Variants in PTTG1IP2 observed in about 807,000 individuals in gnomAD.
PTTG1IP2 encodes the protein PTTG1IP family member 2.
intron 6 of PTTG1IP2, among the ~76,000 whole-genome samples, chr7:90,497,180 C>G (rs375738912): frequency 1.3e-5 from 2 of 152,094 alleles, no homozygotes; most frequent in South Asian, 2.1e-4. Context: ...ATCTGTAATC[C>G]CAACACTTTG....
At chr7:90,503,642 G>A (rs892198890) in intron 6 of PTTG1IP2, among the ~76,000 whole-genome samples, 5 of 152,210 alleles carry the variant, frequency 3.3e-5, no homozygotes, top group Admixed American at 6.5e-5. Context: ...AGAAGAGAAA[G>A]ATTGGGGAAC....
chr7:90,475,815 C>T (rs565142885), intron 1 of PTTG1IP2, among the ~76,000 whole-genome samples: 13 of 151,772 alleles, frequency 8.6e-5, no homozygotes, highest in African/African-American at 2.4e-4. Flanking sequence ...AAAAATTAGC[C>T]AGGCGTGGTG....
At chr7:90,503,745 T>C (rs1798086685) in intron 6 of PTTG1IP2, among the ~76,000 whole-genome samples, 1 of 152,126 alleles carries the variant, frequency 6.6e-6, no homozygotes, top group Non-Finnish European at 1.5e-5. Context: ...CCCATAACAA[T>C]TACAATAGTA....
intron 2 of PTTG1IP2, among the ~76,000 whole-genome samples, chr7:90,482,296 G>A (rs185865418): frequency 5.3e-5 from 8 of 152,124 alleles, no homozygotes; most frequent in Admixed American, 2.6e-4. Flanking sequence ...CCACTTCTCC[G>A]TGGACTTGGA....
intron 6 of PTTG1IP2, among the ~76,000 whole-genome samples, chr7:90,506,791 T>A (rs1798129131): frequency 6.6e-6 from 1 of 152,196 alleles, no homozygotes; most frequent in African/African-American, 2.4e-5. Flanking sequence ...TCTTATTTTA[T>A]TTTAAAATCT....
intron 1 of PTTG1IP2, among the ~76,000 whole-genome samples, chr7:90,478,217 A>G (rs1170848124): frequency 6.6e-6 from 1 of 152,132 alleles, no homozygotes; most frequent in Non-Finnish European, 1.5e-5. Context: ...AAAAATAAAA[A>G]CTTTAGTTTA....
intron 6 of PTTG1IP2, among the ~76,000 whole-genome samples, chr7:90,506,890 A>T (rs998986080): frequency 1.1e-4 from 17 of 152,050 alleles, no homozygotes; most frequent in Admixed American, 6.5e-5. Flanking sequence ...GGTATTCTGT[A>T]TCAGTAACTA....
rs538773709 is a variant in PTTG1IP2 at position 90,475,213 on chromosome 7, G to A, written c.146-4015G>A. ...AAGCAGTAAAAAATCTAGTCCCTGG[G>A]GAGTAATTGTGACTATAGTCACACT... On this transcript the variant is annotated intron_variant, in intron 1 of 6. Coordinates refer to ENST00000509356, the MANE Select transcript of PTTG1IP2 (RefSeq NM_001365443.2). Among the ~76,000 whole-genome samples the A allele has an allele frequency of 3.7e-4, 57 of 152,228 alleles. 1 individual carries two copies. The South Asian group carries it at 1.0e-2, about 27-fold the overall frequency.
intron 1 of PTTG1IP2, chr7:90,470,268 G>T (rs1424235556): frequency 6.6e-6 from 1 of 152,104 alleles, no homozygotes; most frequent in Non-Finnish European, 1.5e-5. Context: ...CCCACTCAAT[G>T]GTCATAGTTC....
chr7:90,477,072 T>A (rs1288108603), intron 1 of PTTG1IP2, among the ~76,000 whole-genome samples: 2 of 151,810 alleles, frequency 1.3e-5, no homozygotes, highest in Non-Finnish European at 2.9e-5. Flanking sequence ...TTGGTAGGAG[T>A]GGAACCAGTT....
At chr7:90,511,869 G>A (rs2116140358) in intron 6 of PTTG1IP2, among the ~76,000 whole-genome samples, 1 of 152,316 alleles carries the variant, frequency 6.6e-6, no homozygotes, top group Admixed American at 6.5e-5. Context: ...TCACATGGTT[G>A]TGGTGATACA....
intron 6 of PTTG1IP2, among the ~76,000 whole-genome samples, chr7:90,503,945 G>C (rs1002426567): frequency 2.6e-5 from 4 of 152,178 alleles, no homozygotes; most frequent in African/African-American, 9.7e-5. Flanking sequence ...CACAATATTT[G>C]TGAGGTACGC....
intron 6 of PTTG1IP2, among the ~76,000 whole-genome samples, chr7:90,505,590 TAA>T (rs559637452): frequency 2.6e-5 from 4 of 152,144 alleles, no homozygotes; most frequent in Non-Finnish European, 4.4e-5. Flanking sequence ...AAGTGTCAGT[TAA>T]GAGTGAGTAT....
intron 1 of PTTG1IP2, among the ~76,000 whole-genome samples, chr7:90,476,703 G>A (rs1328398334): frequency 6.6e-6 from 1 of 152,074 alleles, no homozygotes; most frequent in Non-Finnish European, 1.5e-5. Context: ...ATTCCATATT[G>A]ACATGTAGTA....
rs1797918358 is a variant in PTTG1IP2, at chr7:90,489,778, T to A, written c.380+814T>A. 3.3e-5 allele frequency among the ~76,000 whole-genome samples: 5 copies of A among 151,944 alleles called. No homozygotes were observed. In the South Asian group the frequency reaches 8.3e-4, roughly 25 times the overall value. ...GAAATATAATTCTATGCCACTAACC[T>A]ATATTGCTTGAAAAAGAATTATCAA... On this transcript the variant is annotated intron_variant, in intron 4 of 6. Transcript: ENST00000509356.
intron 4 of PTTG1IP2, 137 bp from the exon 5 acceptor site, chr7:90,492,102 A>G (rs1797945211): frequency 1.3e-5 from 2 of 152,190 alleles, no homozygotes; most frequent in African/African-American, 4.8e-5. Context: ...CTGCACTCCA[A>G]CGTGGGTGAC....
rs566285343 is a variant in PTTG1IP2 at position 90,477,089 on chromosome 7, A to G, written c.146-2139A>G. ...GGTAGGAGTGGAACCAGTTGAAGAA[A>G]CTGAAAAAGAAAGACCAGCGATGTT... On this transcript the variant is annotated intron_variant, in intron 1 of 6. Coordinates refer to ENST00000509356, the MANE Select transcript of PTTG1IP2 (RefSeq NM_001365443.2). Among the ~76,000 whole-genome samples, 2 of 152,346 alleles carry G rather than the reference A, an allele frequency of 1.3e-5. 1 individual carries two copies. The highest frequency in any genetic ancestry group is 4.1e-4 in the South Asian group (2 of 4,828).
chr7:90,500,174 G>A (rs539407405), intron 6 of PTTG1IP2, among the ~76,000 whole-genome samples: 15 of 152,114 alleles, frequency 9.9e-5, no homozygotes, highest in African/African-American at 1.4e-4. Context: ...AGATTGTGCC[G>A]CTGCACTCCA....
chr7:90,510,790 G>A (rs1798180379), intron 6 of PTTG1IP2, among the ~76,000 whole-genome samples: 1 of 152,114 alleles, frequency 6.6e-6, no homozygotes, highest in Admixed American at 6.5e-5. Flanking sequence ...AGTTTTGGAG[G>A]AGACTTTCCA....
Sources: allele counts gnomAD v4.1 joint callset (sites outside exome capture counted in the v4.1 genomes callset), GRCh38; gene constraint gnomAD v4.1.1; transcripts MANE v1.5; gene names NCBI Gene and HGNC (gene_info 2026-07-23, HGNC 2026-07-21).